Variants in PHF6 observed in about 807,000 individuals in gnomAD.
The protein encoded by PHF6 is PHD finger protein 6, also known as PHD-like zinc finger protein.
In PHF6, 7 loss-of-function variants were observed where a neutral mutation model predicts 34.0. That is an observed-to-expected ratio of 0.21 (90% CI 0.12 to 0.39). The LOEUF (loss-of-function observed/expected upper bound fraction) is 0.39. Ranked by LOEUF, PHF6 falls within the 10% of genes least tolerant of loss-of-function variation. The pLI, the probability that PHF6 is intolerant of heterozygous loss-of-function variation, is 1.00. For missense variants in PHF6, 128 were observed against 262.8 expected (o/e 0.49, Z 3.55); for synonymous variants, 89 against 88.4 (o/e 1.01, Z -0.04).
At position 134,415,005 on chromosome X, in the gene PHF6, T is replaced by G. The variant is rs192977933; in HGVS notation, c.730-11T>G. On this transcript the variant is annotated splice_polypyrimidine_tract_variant and intron_variant, in intron 7 of 10. Transcript: ENST00000370803. Reference sequence around the variant, plus strand: ...TCTGAATGTTAATTTTCCTGCATTTTTCTTCTCTAGTTGTTTTCTTCTGGC... The same window carrying G: ...TCTGAATGTTAATTTTCCTGCATTTGTCTTCTCTAGTTGTTTTCTTCTGGC... 807 of 1,199,305 alleles carry G rather than the reference T, an allele frequency of 6.7e-4. 7 individuals are homozygous for G. In the African/African-American group the frequency reaches 0.012, roughly 18 times the overall value.
chrX:134,375,301 C>G (rs780802220), intron 1 of PHF6, among the ~76,000 whole-genome samples: 8 of 111,777 alleles, frequency 7.2e-5, no homozygotes, highest in African/African-American at 2.6e-4. Flanking sequence ...AAAAAATACA[C>G]TAGAATATTT....
intron 3 of PHF6, among the ~76,000 whole-genome samples, chrX:134,380,262 T>C (rs1456869935): frequency 1.8e-4 from 19 of 107,025 alleles, no homozygotes; most frequent in Admixed American, 1.1e-3. Context: ...TTCTCCTGCC[T>C]CAGCCTCCCA....
At chrX:134,404,404 T>C (rs1569340908) in intron 5 of PHF6, among the ~76,000 whole-genome samples, 1 of 112,141 alleles carries the variant, frequency 8.9e-6, no homozygotes, top group Non-Finnish European at 1.9e-5. Context: ...GATCAAACTT[T>C]AACAGATGAG....
At chrX:134,419,730 C>G (rs1444638554) in intron 9 of PHF6, 2 of 111,424 alleles carry the variant, frequency 1.8e-5, no homozygotes, top group South Asian at 7.6e-4. Flanking sequence ...GGTTGGTGCC[C>G]AAACCATGCA....
chrX:134,404,992 G>A (rs745648276), intron 5 of PHF6, among the ~76,000 whole-genome samples: 1 of 111,438 alleles, frequency 9.0e-6, no homozygotes, highest in East Asian at 2.8e-4. Context: ...GCTTTACTGT[G>A]GTAGTCCGGA....
chrX:134,382,566 C>CTTTTTTTTT (rs377670545), intron 3 of PHF6, among the ~76,000 whole-genome samples: 1 of 84,639 alleles, frequency 1.2e-5, no homozygotes, highest in East Asian at 3.8e-4. Context: ...AGCTATTCTT[C>CTTTTTTTTT]TTTTTTTTTT....
At chrX:134,414,101 G>A (rs1463427792) in intron 7 of PHF6, 135 bp downstream of exon 7, 3 of 592,142 alleles carry the variant, frequency 5.1e-6, no homozygotes, top group African/African-American at 2.3e-5. Context: ...CCCCCCACCA[G>A]CATTAGTATT....
At chrX:134,393,861 G>A (rs1480903835) in intron 4 of PHF6, 48 bp from the exon 5 acceptor site, 6 of 1,118,353 alleles carry the variant, frequency 5.4e-6, no homozygotes, top group Non-Finnish European at 7.4e-6. Flanking sequence ...TGAAAAGTGA[G>A]TTTAATTTAG....
intron 9 of PHF6, chrX:134,419,354 T>A (rs1459491611): frequency 9.1e-6 from 1 of 109,664 alleles, no homozygotes; most frequent in African/African-American, 3.3e-5. Context: ...GAGACTCTCA[T>A]CTCTATATAA....
intron 5 of PHF6, among the ~76,000 whole-genome samples, chrX:134,394,552 T>C (rs987307582): frequency 9.1e-6 from 1 of 110,009 alleles, no homozygotes. Flanking sequence ...TGTTTTTTTT[T>C]TTTTGTGAGA....
At chrX:134,376,374 T>C (rs2077278244) in intron 1 of PHF6, among the ~76,000 whole-genome samples, 1 of 111,944 alleles carries the variant, frequency 8.9e-6, no homozygotes, top group Non-Finnish European at 1.9e-5. Context: ...GTTTGAGATT[T>C]TTCTTGATTG....
chrX:134,406,479 A>G (rs983620955), intron 5 of PHF6, among the ~76,000 whole-genome samples: 1 of 111,736 alleles, frequency 8.9e-6, no homozygotes, highest in Non-Finnish European at 1.9e-5. Context: ...AGCATAAACC[A>G]GGAAGTTGTA....
chrX:134,374,772 TA>T (rs1425930249), intron 1 of PHF6, among the ~76,000 whole-genome samples: 5 of 112,515 alleles, frequency 4.4e-5, no homozygotes, highest in African/African-American at 1.3e-4. Flanking sequence ...ATCTAGCTTT[TA>T]TTTTTTTTCC....
At position 134,425,286 on chromosome X, in the gene PHF6, A is replaced by G; in HGVS notation, c.1054A>G (p.Ile352Val). The G allele has an allele frequency of 8.3e-7, 1 of 1,211,389 alleles. No homozygotes were observed. The highest frequency in any genetic ancestry group is 1.8e-5 in the South Asian group (1 of 56,993). The change falls in exon 10 of 11, where the codon ATT becomes GTT. Residue 352 changes from isoleucine (I) to valine (V), a missense_variant. Physicochemically the swap from Ile to Val is conservative, Grantham distance 29. This residue lies in a region of PHF6 where 15 missense variants were observed against 16.2 expected (regional missense o/e 0.93). Coordinates refer to ENST00000370803, the MANE Select transcript of PHF6 (RefSeq NM_001015877.2). The part of the protein sequence containing the change: ...RESKSRGKVE[I>V]DQQQLTQQQL... ...GAGTAAAAGCCGAGGAAAAGTAGAA[A>G]TTGATCAGCAACAACTAACTCAGCA...
At chrX:134,377,519 A>G (rs2077282954) in intron 1 of PHF6, 53 bp from the exon 2 acceptor site, 6 of 960,717 alleles carry the variant, frequency 6.2e-6, no homozygotes, top group Admixed American at 3.0e-5. Context: ...ATGAATATGT[A>G]TAAACTGATT....
At chrX:134,396,425 A>T (rs2077377780) in intron 5 of PHF6, among the ~76,000 whole-genome samples, 1 of 111,663 alleles carries the variant, frequency 9.0e-6, no homozygotes, top group African/African-American at 3.3e-5. Context: ...AACTATATAA[A>T]GTAGAATAAT....
chrX:134,420,428 A>G (rs1478315195), intron 9 of PHF6: 1 of 111,214 alleles, frequency 9.0e-6, no homozygotes, highest in Non-Finnish European at 1.9e-5. Context: ...TATTAAAATT[A>G]GTAAGAGCTC....
intron 9 of PHF6, among the ~76,000 whole-genome samples, chrX:134,422,111 C>T (rs1188629313): frequency 1.8e-5 from 2 of 109,998 alleles, no homozygotes; most frequent in South Asian, 3.9e-4. Context: ...TTTGTGCAGA[C>T]GAGATTTCAC....
intron 5 of PHF6, among the ~76,000 whole-genome samples, chrX:134,394,633 C>T (rs1452306071): frequency 9.4e-6 from 1 of 106,644 alleles, no homozygotes; most frequent in Admixed American, 1.0e-4. Flanking sequence ...CTCCGCCTCC[C>T]GGGTTCACAT....
Sources: gnomAD v4.1 joint callset for allele counts (sites outside exome capture counted in the v4.1 genomes callset) on GRCh38, gnomAD v4.1.1 for gene constraint, gnomAD v4.1.1 regional missense constraint, MANE v1.5 for transcripts, NCBI Gene and HGNC (gene_info 2026-07-23, HGNC 2026-07-21) for gene names.